Variants in MAPK8IP3 observed in about 807,000 individuals in gnomAD.
MAPK8IP3 encodes the protein mitogen-activated protein kinase 8 interacting protein 3.
In MAPK8IP3, 49 loss-of-function variants were observed where a neutral mutation model predicts 157.8. That is an observed-to-expected ratio of 0.31 (90% CI 0.25 to 0.39). MAPK8IP3 has a LOEUF of 0.39. Among genes scored for constraint, MAPK8IP3 ranks in the 10% least tolerant of loss-of-function variants. The pLI is 1.00. For missense variants in MAPK8IP3, 1,478 were observed against 1,889.4 expected (o/e 0.78, Z 4.04); for synonymous variants, 897 against 777.7 (o/e 1.15, Z -2.55).
chr16:1,711,226 C>T (rs2037749543), intron 1 of MAPK8IP3, among the ~76,000 whole-genome samples: 2 of 152,378 alleles, frequency 1.3e-5, no homozygotes, highest in African/African-American at 2.4e-5. Context: ...CGTCTTCCCA[C>T]GCTGCTTTCT....
chr16:1,758,982 C>T lies in MAPK8IP3; in HGVS notation c.1233C>T (p.Arg411=), dbSNP rs781159591. ...GGGACGGGGACGGCTCCCTAGTGCG[C>T]GATGATTTCTTTGGTAAGGCTGAGG... ...GADLLGEFSV[R]DDFFGMGKEV... Residue 411 remains arginine, a synonymous_variant, in exon 10 of 32, where the codon CGC becomes CGT. Coordinates refer to ENST00000610761, the MANE Select transcript of MAPK8IP3 (RefSeq NM_001318852.2). The T allele has an allele frequency of 9.9e-6, 16 of 1,614,162 alleles. No individual in the cohort carries two copies. The highest frequency in any genetic ancestry group is 3.3e-5 in the Admixed American group (2 of 60,018).
chr16:1,739,043 C>T (rs538990303), intron 4 of MAPK8IP3, among the ~76,000 whole-genome samples: 3 of 128,852 alleles, frequency 2.3e-5, no homozygotes, highest in South Asian at 2.9e-4. Flanking sequence ...TCCGTGTGAG[C>T]GTCCGTGTGA....
At chr16:1,758,934 C>T (rs777315452) in intron 9 of MAPK8IP3, 44 bp from the exon 10 acceptor site, 9 of 1,611,662 alleles carry the variant, frequency 5.6e-6, no homozygotes, top group Middle Eastern at 1.6e-4. Context: ...CCTCTCCTCC[C>T]GCCCTGGTTG....
intron 4 of MAPK8IP3, among the ~76,000 whole-genome samples, chr16:1,731,625 A>G (rs1387588932): frequency 1.3e-5 from 2 of 152,196 alleles, no homozygotes; most frequent in Non-Finnish European, 2.9e-5. Flanking sequence ...CCTTTAAAAT[A>G]AAGGAAATAG....
At chr16:1,739,462 T>TTCCGTGTGACCG (rs2040458805) in intron 4 of MAPK8IP3, among the ~76,000 whole-genome samples, 1 of 63,088 alleles carries the variant, frequency 1.6e-5, no homozygotes, top group Non-Finnish European at 3.0e-5. Context: ...CCGTGTGAGC[T>TTCCGTGTGACCG]TCCGTGTGAC....
At chr16:1,749,941 C>T (rs1036179506) in intron 8 of MAPK8IP3, among the ~76,000 whole-genome samples, 2 of 152,106 alleles carry the variant, frequency 1.3e-5, no homozygotes, top group African/African-American at 4.8e-5. Context: ...ATAATATTCA[C>T]CATGTTAACC....
rs1394518896 is a variant in MAPK8IP3 at position 1,751,734 on chromosome 16, CCCCAGG to C, written c.1216+3016_1216+3021del. The C allele has an allele frequency of 2.0e-5, 3 of 152,216 alleles. No homozygotes were observed. Among genetic ancestry groups the C allele is most frequent in the African/African-American group, 7.2e-5 (3 of 41,448 alleles). The allele number at this position is 152,216 out of a possible 1,614,324, so 9.4% of individuals were successfully genotyped here. ...CGCTTTGTCTGCCCCTCGTCCCCAG[CCCCAGG>C]CAACCACAAATCCATGCTCTGTCTC... On this transcript the variant is annotated intron_variant, in intron 8 of 31. Coordinates refer to ENST00000610761, the MANE Select transcript of MAPK8IP3 (RefSeq NM_001318852.2). The surrounding 1 kb of genome is among the most constrained non-coding windows in gnomAD (Gnocchi z 5.0).
At chr16:1,709,329 G>A (rs1205136111) in intron 1 of MAPK8IP3, among the ~76,000 whole-genome samples, 2 of 152,220 alleles carry the variant, frequency 1.3e-5, no homozygotes, top group African/African-American at 2.4e-5. Context: ...CCCAGCCTGA[G>A]TGTCAGCCCG....
intron 19 of MAPK8IP3, 61 bp from the exon 20 acceptor site, chr16:1,764,952 T>A: frequency 1.3e-6 from 2 of 1,533,570 alleles, no homozygotes. Flanking sequence ...CCCATGGCCC[T>A]GTGCTGCCAC....
chr16:1,709,447 G>C (rs947458646), intron 1 of MAPK8IP3, among the ~76,000 whole-genome samples: 2 of 152,250 alleles, frequency 1.3e-5, no homozygotes, highest in Non-Finnish European at 2.9e-5. Flanking sequence ...ACCATCACTG[G>C]CTGTTGGTTG....
chr16:1,734,330 C>G (rs1313581763), intron 4 of MAPK8IP3, among the ~76,000 whole-genome samples: 2 of 152,216 alleles, frequency 1.3e-5, no homozygotes, highest in Non-Finnish European at 2.9e-5. Flanking sequence ...CCTCCCTGGC[C>G]GGCGGTGGTA....
intron 10 of MAPK8IP3, 151 bp from the exon 11 acceptor site, chr16:1,759,807 C>A: frequency 1.5e-6 from 1 of 686,664 alleles, no homozygotes; most frequent in South Asian, 1.7e-5. Flanking sequence ...AGCATGAGCC[C>A]CGCCCTTCAC....
At chr16:1,726,961 C>T (rs1237665857) in intron 2 of MAPK8IP3, among the ~76,000 whole-genome samples, 1 of 152,146 alleles carries the variant, frequency 6.6e-6, no homozygotes, top group African/African-American at 2.4e-5. Context: ...AACTCGTGTG[C>T]TGTGTGCAGT....
intron 9 of MAPK8IP3, 47 bp from the exon 10 acceptor site, chr16:1,758,931 T>C: frequency 6.2e-7 from 1 of 1,610,468 alleles, no homozygotes. Context: ...CTCCCTCTCC[T>C]CCCGCCCTGG....
chr16:1,746,042 G>C (rs2040940951), intron 5 of MAPK8IP3: 1 of 152,226 alleles, frequency 6.6e-6, no homozygotes. Context: ...CTTAGCATTA[G>C]AGTCCCCCAC....
intron 4 of MAPK8IP3, among the ~76,000 whole-genome samples, chr16:1,736,453 C>A (rs1224409976): frequency 5.5e-5 from 2 of 36,384 alleles, no homozygotes; most frequent in Admixed American, 4.6e-4. Flanking sequence ...TCCGTGTGAG[C>A]GTGTGACCAT....
chr16:1,762,322 G>C (rs1425524639), intron 13 of MAPK8IP3, 29 bp from the exon 14 acceptor site: 22 of 1,550,158 alleles, frequency 1.4e-5, no homozygotes, highest in Admixed American at 3.8e-5. Flanking sequence ...CCGAGGGCTG[G>C]CTGAGCCTCT....
Position 1,724,021 on chromosome 16 carries a change from A to C in MAPK8IP3, c.319-536A>C, listed in dbSNP as rs1228370409. ...GGTGTCCTGAGCTGAGCTGCAACTG[A>C]CATGCAGAAAAGTAGGCTCAACCTT... On this transcript the variant is annotated intron_variant, in intron 1 of 31. Coordinates refer to ENST00000610761, the MANE Select transcript of MAPK8IP3 (RefSeq NM_001318852.2). This position sits in a 1 kb window ranked among gnomAD's most constrained non-coding sequence, Gnocchi z 4.1. 6.6e-6 allele frequency among the ~76,000 whole-genome samples: 1 copy of C among 152,140 alleles called. No individual in the cohort carries two copies. The highest frequency in any genetic ancestry group is 2.1e-4 in the South Asian group (1 of 4,820).
chr16:1,739,798 G>T (rs923506933), intron 4 of MAPK8IP3, among the ~76,000 whole-genome samples: 1 of 122,884 alleles, frequency 8.1e-6, no homozygotes, highest in Non-Finnish European at 1.7e-5. Context: ...GAGCATCCGT[G>T]TGACCATCCG....
Sources: gnomAD v4.1 joint callset for allele counts (sites outside exome capture counted in the v4.1 genomes callset) on GRCh38, gnomAD v4.1.1 for gene constraint, Gnocchi (gnomAD v3.1) non-coding constraint, MANE v1.5 for transcripts, NCBI Gene and HGNC (gene_info 2026-07-23, HGNC 2026-07-21) for gene names.